Variants in ABLIM3 observed in about 807,000 individuals in gnomAD.
The protein encoded by ABLIM3 is actin binding LIM protein family member 3, also known as actin-binding LIM protein 3.
ABLIM3 carries 61 observed loss-of-function variants against 109.5 expected under a neutral mutation model. That is an observed-to-expected ratio of 0.56 (90% CI 0.45 to 0.69). The LOEUF is 0.69. ABLIM3 is among the 30% of genes least tolerant of loss of function. ABLIM3 has a pLI of 0.00. For missense variants in ABLIM3, 796 were observed against 889.5 expected (o/e 0.89, Z 1.34); for synonymous variants, 300 against 324.8 (o/e 0.92, Z 0.82).
intron 8 of ABLIM3, chr5:149,218,959 T>C (rs1179939207): frequency 1.3e-5 from 2 of 152,412 alleles, no homozygotes; most frequent in East Asian, 3.8e-4. Context: ...TCGCTGTGAT[T>C]GGATAGCCAT....
At chr5:149,169,916 T>C (rs1755212231) in intron 2 of ABLIM3, among the ~76,000 whole-genome samples, 1 of 152,206 alleles carries the variant, frequency 6.6e-6, no homozygotes, top group South Asian at 2.1e-4. Flanking sequence ...CTGTGAGTAA[T>C]TAGGACATAA....
chr5:149,173,618 G>A (rs1561551944), intron 2 of ABLIM3, among the ~76,000 whole-genome samples: 2 of 152,162 alleles, frequency 1.3e-5, no homozygotes, highest in African/African-American at 4.8e-5. Flanking sequence ...CACTTTAGTC[G>A]CTGCGGCTCT....
chr5:149,228,053 T>A (rs1287592171), intron 8 of ABLIM3, among the ~76,000 whole-genome samples: 1 of 152,180 alleles, frequency 6.6e-6, no homozygotes, highest in Non-Finnish European at 1.5e-5. Context: ...CTGGTAAACA[T>A]CCCTTAGTGT....
intron 3 of ABLIM3, among the ~76,000 whole-genome samples, chr5:149,191,471 A>G (rs1757468640): frequency 6.6e-6 from 1 of 152,204 alleles, no homozygotes; most frequent in Non-Finnish European, 1.5e-5. Flanking sequence ...AAAAATCAGC[A>G]TTGGAATCAA....
At chr5:149,218,003 G>C (rs952596124) in intron 8 of ABLIM3, 1 of 152,280 alleles carries the variant, frequency 6.6e-6, no homozygotes, top group Non-Finnish European at 1.5e-5. Context: ...AAGGAGAGAA[G>C]TGTGGGCCTT....
chr5:149,227,058 G>C (rs1336653716), intron 8 of ABLIM3, among the ~76,000 whole-genome samples: 1 of 106,474 alleles, frequency 9.4e-6, no homozygotes, highest in African/African-American at 3.8e-5. Flanking sequence ...CAATAAGAGC[G>C]AAACTCCATC....
chr5:149,174,231 G>A (rs184854708), intron 2 of ABLIM3, among the ~76,000 whole-genome samples: 11 of 151,210 alleles, frequency 7.3e-5, no homozygotes, highest in Admixed American at 2.0e-4. Flanking sequence ...ATAACCTAAA[G>A]GCCATTTCAT....
chr5:149,242,707 T>C, intron 15 of ABLIM3, 169 bp downstream of exon 15: 1 of 712,154 alleles, frequency 1.4e-6, no homozygotes, highest in Non-Finnish European at 2.5e-6. Context: ...CAGAGTTTGG[T>C]ATCATTTCAA....
chr5:149,149,731 G>A (rs1365765381), intron 2 of ABLIM3, among the ~76,000 whole-genome samples: 2 of 152,214 alleles, frequency 1.3e-5, no homozygotes, highest in Non-Finnish European at 2.9e-5. Context: ...ATTCTATTAG[G>A]TAGGGTCTTG....
chr5:149,187,338 G>A (rs1757050862), intron 3 of ABLIM3, among the ~76,000 whole-genome samples: 2 of 152,148 alleles, frequency 1.3e-5, no homozygotes. Context: ...AGTAGCCAGG[G>A]AGAAAAGACA....
chr5:149,217,136 C>CAGGTTCAGTGTTATCTTGGCTTT, intron 8 of ABLIM3, 90 bp downstream of exon 8: 2 of 1,240,936 alleles, frequency 1.6e-6, no homozygotes, highest in Admixed American at 3.8e-5. Context: ...ATCTTGGCTT[C>CAGGTTCAGTGTTATCTTGGCTTT]AGGTTCAGTG....
chr5:149,224,744 G>A (rs1043879140), intron 8 of ABLIM3, among the ~76,000 whole-genome samples: 23 of 152,110 alleles, frequency 1.5e-4, no homozygotes, highest in Admixed American at 2.6e-4. Flanking sequence ...TGACATAGGC[G>A]GACACCGTTC....
chr5:149,249,984 T>G, intron 19 of ABLIM3, 140 bp downstream of exon 19: 1 of 1,088,088 alleles, frequency 9.2e-7, no homozygotes, highest in Admixed American at 2.0e-5. Context: ...TCTACTCCAT[T>G]GTATTTGTCA....
At chr5:149,178,425 C>T in intron 2 of ABLIM3, among the ~76,000 whole-genome samples, 1 of 152,326 alleles carries the variant, frequency 6.6e-6, no homozygotes, top group East Asian at 1.9e-4. Context: ...ACCTTTCAAC[C>T]AGAAGTTCCA....
chr5:149,244,938 A>G lies in ABLIM3; in HGVS notation c.1409A>G (p.Lys470Arg), dbSNP rs2127564530. 1 of 1,614,140 alleles carries G rather than the reference A, an allele frequency of 6.2e-7. No individual in the cohort carries two copies. The highest frequency in any genetic ancestry group is 8.5e-7 in the Non-Finnish European group (1 of 1,180,022). ...AGTGAAGACATCAGCCAGACCTCCA[A>G]GTACAGTCCCATCTACTCGCCAGAC... ...KTSEDISQTS[K>R]YSPIYSPDPY... The change falls in exon 16 of 24, where the codon AAG (lysine) becomes AGG (arginine). Residue 470 changes from lysine (K) to arginine (R), a missense_variant. Coordinates refer to ENST00000309868, the MANE Select transcript of ABLIM3 (RefSeq NM_014945.5).
intron 2 of ABLIM3, among the ~76,000 whole-genome samples, chr5:149,171,048 A>G (rs1755365604): frequency 6.6e-6 from 1 of 152,086 alleles, no homozygotes; most frequent in South Asian, 2.1e-4. Context: ...CACTTCATGT[A>G]TTGTCCTCTC....
At chr5:149,250,567 A>T (rs980650651) in intron 20 of ABLIM3, 62 bp downstream of exon 20, 9 of 1,584,200 alleles carry the variant, frequency 5.7e-6, no homozygotes, top group African/African-American at 1.3e-5. Context: ...TAAACCCAAC[A>T]TTAGCTTATT....
At position 149,239,784 on chromosome 5, in the gene ABLIM3, G is replaced by A. The variant is rs138526744; in HGVS notation, c.1100G>A (p.Arg367Gln). Residue 367 changes from arginine to glutamine, a missense_variant, in exon 13 of 24, where the codon CGG (arginine) becomes CAG (glutamine). Physicochemically the swap from Arg to Gln is conservative, Grantham distance 43. Coordinates refer to ENST00000309868, the MANE Select transcript of ABLIM3 (RefSeq NM_014945.5). ...SQDIYENLDL[R>Q]QRRASSPGYI... is the part of the protein sequence containing the mutation. ...GACATCTACGAGAACCTGGACCTCC[G>A]GCAGAGACGGGCCTCCAGCCCGGGG... 30 of 1,607,436 alleles carry A rather than the reference G, an allele frequency of 1.9e-5. No individual in the cohort carries two copies. The highest frequency in any genetic ancestry group is 3.3e-4 in the Middle Eastern group (2 of 6,068).
At chr5:149,196,772 G>A (rs1758019672) in intron 3 of ABLIM3, among the ~76,000 whole-genome samples, 1 of 152,178 alleles carries the variant, frequency 6.6e-6, no homozygotes, top group Non-Finnish European at 1.5e-5. Flanking sequence ...TGCCTTGGAA[G>A]AAATTTTGCA....
Sources: allele counts gnomAD v4.1 joint callset (sites outside exome capture counted in the v4.1 genomes callset), GRCh38; gene constraint gnomAD v4.1.1; transcripts MANE v1.5; gene names NCBI Gene and HGNC (gene_info 2026-07-23, HGNC 2026-07-21).